The following PCDH15 variants were observed in gnomAD, a reference collection of about 807,000 sequenced individuals.
PCDH15 encodes protocadherin-15.
In PCDH15, 129 loss-of-function variants were observed where a neutral mutation model predicts 178.5. That is an observed-to-expected ratio of 0.72 (90% CI 0.63 to 0.84). The LOEUF (loss-of-function observed/expected upper bound fraction) is 0.84, where lower values mean the gene tolerates loss of function less well. Ranked by LOEUF, PCDH15 falls within the 40% of genes least tolerant of loss-of-function variation. PCDH15 has a pLI of 0.00. For synonymous variants in PCDH15, 800 were observed against 732.0 expected (o/e 1.09, Z -1.50); for missense variants, 2,230 against 2,099.9 (o/e 1.06, Z -1.21).
intron 2 of PCDH15, among the ~76,000 whole-genome samples, chr10:55,122,252 C>T (rs1421871208): frequency 1.3e-5 from 2 of 152,082 alleles, no homozygotes; most frequent in African/African-American, 4.8e-5. Flanking sequence ...CTAAAACACT[C>T]AGGTATTTGG....
rs1237980661 is a variant in PCDH15, at chr10:55,536,625, CCT to C, written c.-156+90998_-156+90999del. Among the ~76,000 whole-genome samples, 3 of 152,082 alleles carry C rather than the reference CCT, an allele frequency of 2.0e-5. No homozygotes were observed. The East Asian group carries it at 5.8e-4, about 29-fold the overall frequency. On this transcript the variant is annotated intron_variant, in intron 2 of 5. Transcript: ENST00000613346. ...CACTTTTCATTCACTTCCTCTCTCA[CCT>C]GGGGAGAGAAAATGCTGAAGGAATA...
At chr10:55,138,314 G>A (rs1838258595) in intron 2 of PCDH15, among the ~76,000 whole-genome samples, 1 of 152,074 alleles carries the variant, frequency 6.6e-6, no homozygotes, top group African/African-American at 2.4e-5. Context: ...CCCTCTACTT[G>A]TAGACATTGA....
chr10:55,410,602 G>A (rs1034446205), intron 2 of PCDH15, among the ~76,000 whole-genome samples: 1 of 152,260 alleles, frequency 6.6e-6, no homozygotes. Context: ...ATCCATGCTG[G>A]AAGAAATCCC....
At position 55,550,062 on chromosome 10, in the gene PCDH15, T is replaced by C. The variant is rs1841973591; in HGVS notation, c.-156+77563A>G. ...CATTATATTGCTATGTACAAATTCA[T>C]ATCTATTTTATTTTTCTTGTTTTAT... is the stretch of plus-strand genomic sequence containing the variant. On this transcript the variant is annotated intron_variant, in intron 2 of 5. Coordinates refer to the PCDH15 transcript ENST00000613346. 2.6e-5 allele frequency among the ~76,000 whole-genome samples: 4 copies of C among 152,124 alleles called. No individual in the cohort carries two copies. The South Asian group carries it at 8.3e-4, about 31-fold the overall frequency.
chr10:54,406,014 A>G (rs1184044982), intron 3 of PCDH15, among the ~76,000 whole-genome samples: 3 of 152,094 alleles, frequency 2.0e-5, no homozygotes, highest in Non-Finnish European at 2.9e-5. Flanking sequence ...AAGTTTATCT[A>G]CATTGGTTAG....
chr10:54,806,726 C>T (rs1258193068), intron 3 of PCDH15, among the ~76,000 whole-genome samples: 1 of 152,070 alleles, frequency 6.6e-6, no homozygotes, highest in Non-Finnish European at 1.5e-5. Context: ...CCTCGTGATC[C>T]ACCCGCCTTG....
intron 1 of PCDH15, among the ~76,000 whole-genome samples, chr10:55,180,916 G>T (rs540106321): frequency 2.0e-5 from 3 of 151,952 alleles, no homozygotes; most frequent in African/African-American, 7.2e-5. Context: ...TGGCTGTCAT[G>T]TTCCTAGAGG....
At chr10:55,242,747 G>A (rs1391502361) in intron 1 of PCDH15, among the ~76,000 whole-genome samples, 1 of 152,040 alleles carries the variant, frequency 6.6e-6, no homozygotes, top group Non-Finnish European at 1.5e-5. Context: ...GCTACCCTGG[G>A]GGTTGAGGTG....
chr10:54,730,329 A>G (rs1943163102), intron 1 of PCDH15, among the ~76,000 whole-genome samples: 2 of 151,682 alleles, frequency 1.3e-5, no homozygotes, highest in Non-Finnish European at 3.0e-5. Context: ...ATTCTCACCT[A>G]TACATGGGAG....
chr10:55,027,262 C>A (rs1344449406), intron 2 of PCDH15, among the ~76,000 whole-genome samples: 1 of 151,616 alleles, frequency 6.6e-6, no homozygotes, highest in African/African-American at 2.4e-5. Flanking sequence ...AACTAGTTGG[C>A]AATCAAAATA....
chr10:54,023,280 T>C (rs2092983886), intron 18 of PCDH15, 83 bp from the exon 19 acceptor site: 6 of 1,371,198 alleles, frequency 4.4e-6, no homozygotes, highest in Non-Finnish European at 5.0e-6. Context: ...TAACAAATTA[T>C]GGTATTTTTC....
At chr10:54,274,238 A>G (rs1435488886) in intron 8 of PCDH15, among the ~76,000 whole-genome samples, 1 of 152,046 alleles carries the variant, frequency 6.6e-6, no homozygotes, top group Non-Finnish European at 1.5e-5. Context: ...AACCACCATG[A>G]TACGAGTTTA....
intron 2 of PCDH15, among the ~76,000 whole-genome samples, chr10:54,581,737 T>C (rs1170257843): frequency 6.6e-6 from 1 of 152,002 alleles, no homozygotes; most frequent in Non-Finnish European, 1.5e-5. Flanking sequence ...CATAGACGTA[T>C]GGAACAGAAA....
In PCDH15 at chr10:54,102,344, T is replaced by C. The variant is rs2094828506; in HGVS notation, c.1918-12281A>G. On this transcript the variant is annotated intron_variant, in intron 15 of 37. Transcript: ENST00000644397. Reference sequence around the variant, plus strand: ...TTCCGGTGGGCCTTATGGACAGGAATGGAGAAAAAGGCATTTGCCAAGTCA... The same window carrying C: ...TTCCGGTGGGCCTTATGGACAGGAACGGAGAAAAAGGCATTTGCCAAGTCA... 2.0e-5 allele frequency among the ~76,000 whole-genome samples: 3 copies of C among 152,244 alleles called. No individual in the cohort carries two copies. The South Asian group carries it at 6.2e-4, about 32-fold the overall frequency.
intron 2 of PCDH15, among the ~76,000 whole-genome samples, chr10:55,042,947 T>TTGTG (rs958673130): frequency 1.3e-5 from 2 of 151,794 alleles, no homozygotes; most frequent in African/African-American, 4.8e-5. Flanking sequence ...ATAATTTTAC[T>TTGTG]TGTGTGTGTG....
chr10:54,831,536 C>T (rs1198537360), intron 3 of PCDH15, among the ~76,000 whole-genome samples: 1 of 151,498 alleles, frequency 6.6e-6, no homozygotes, highest in Non-Finnish European at 1.5e-5. Context: ...CTACACACAA[C>T]ACAAATTTTC....
intron 8 of PCDH15, among the ~76,000 whole-genome samples, chr10:54,250,351 C>T (rs983554288): frequency 3.8e-4 from 55 of 144,668 alleles, no homozygotes; most frequent in African/African-American, 1.4e-3. Context: ...GGCGCAATCT[C>T]GGCTCACTGC....
chr10:54,175,357 T>G (rs142358224), intron 13 of PCDH15, among the ~76,000 whole-genome samples: 41 of 152,316 alleles, frequency 2.7e-4, no homozygotes, highest in African/African-American at 9.6e-4. Context: ...GAATTTAATA[T>G]GTAATTTTAT....
intron 3 of PCDH15, among the ~76,000 whole-genome samples, chr10:54,873,661 T>C (rs1193133050): frequency 1.4e-5 from 2 of 146,668 alleles, no homozygotes; most frequent in Non-Finnish European, 3.0e-5. Flanking sequence ...AGGTGATAGT[T>C]TTGTGATAAA....
Sources: allele counts gnomAD v4.1 joint callset (sites outside exome capture counted in the v4.1 genomes callset), GRCh38; gene constraint gnomAD v4.1.1; transcripts MANE v1.5; gene names NCBI Gene and HGNC (gene_info 2026-07-23, HGNC 2026-07-21).